AFF2: variants seen among roughly 807,000 people sequenced by gnomAD.
AFF2 encodes the protein ALF transcription elongation factor 2.
Under a neutral mutation model 76.9 loss-of-function variants are expected in AFF2, and 14 were observed. The ratio of observed to expected loss-of-function variants is 0.18; its 90% CI spans 0.12 to 0.28. The LOEUF is 0.28. Among genes scored for constraint, AFF2 ranks in the 10% least tolerant of loss-of-function variants. The pLI is 1.00. For missense variants in AFF2, 868 were observed against 1,001.1 expected (o/e 0.87, Z 1.79); for synonymous variants, 398 against 366.7 (o/e 1.09, Z -0.98).
chrX:148,701,122 G>A (rs1354359298), intron 3 of AFF2, among the ~76,000 whole-genome samples: 3 of 109,556 alleles, frequency 2.7e-5, no homozygotes, highest in African/African-American at 1.0e-4. Context: ...ACTCAGCTGT[G>A]TAAAAATCTG....
At chrX:148,588,233 G>C (rs2053487858) in intron 1 of AFF2, among the ~76,000 whole-genome samples, 1 of 112,981 alleles carries the variant, frequency 8.9e-6, no homozygotes, top group East Asian at 2.8e-4. Context: ...GTAAAATGTA[G>C]ACATTTCTAA....
At chrX:148,931,707 G>T in intron 9 of AFF2, among the ~76,000 whole-genome samples, 1 of 111,748 alleles carries the variant, frequency 8.9e-6, no homozygotes, top group Non-Finnish European at 1.9e-5. Flanking sequence ...TTGGGAAGGA[G>T]TGGGGTTCTC....
At chrX:148,933,612 A>C (rs2071739255) in intron 9 of AFF2, among the ~76,000 whole-genome samples, 1 of 110,933 alleles carries the variant, frequency 9.0e-6, no homozygotes, top group Non-Finnish European at 1.9e-5. Context: ...AACAGATAAG[A>C]TTTGCTAATG....
At chrX:148,909,756 A>G (rs1557281809) in intron 9 of AFF2, among the ~76,000 whole-genome samples, 1 of 112,012 alleles carries the variant, frequency 8.9e-6, no homozygotes, top group African/African-American at 3.3e-5. Context: ...TACTGTTATC[A>G]GAGCTTGATT....
intron 3 of AFF2, among the ~76,000 whole-genome samples, chrX:148,771,778 A>T (rs1216897834): frequency 8.9e-6 from 1 of 112,196 alleles, no homozygotes; most frequent in Non-Finnish European, 1.9e-5. Flanking sequence ...GTGAACCTAA[A>T]TGATTCTTTG....
At chrX:148,749,975 ATTT>A (rs1910517391) in intron 3 of AFF2, among the ~76,000 whole-genome samples, 3 of 106,975 alleles carry the variant, frequency 2.8e-5, no homozygotes, top group African/African-American at 1.0e-4. Flanking sequence ...TTATTTATTT[ATTT>A]ATTTTTAAGA....
chrX:148,681,141 C>T (rs782267775), intron 3 of AFF2, among the ~76,000 whole-genome samples: 1 of 111,396 alleles, frequency 9.0e-6, no homozygotes, highest in Non-Finnish European at 1.9e-5. Context: ...GTTTCTCAAG[C>T]CTTCAGAGTC....
intron 3 of AFF2, among the ~76,000 whole-genome samples, chrX:148,766,053 C>T (rs1453940480): frequency 8.2e-5 from 9 of 110,169 alleles, no homozygotes; most frequent in East Asian, 5.7e-4. Context: ...TTTATGGCTG[C>T]GTAGTATTCC....
chrX:148,899,740 G>C (rs2071334267), intron 8 of AFF2, among the ~76,000 whole-genome samples: 1 of 111,186 alleles, frequency 9.0e-6, no homozygotes, highest in African/African-American at 3.3e-5. Context: ...TTGACTGACA[G>C]TATTATTATT....
At chrX:148,539,729 T>C (rs2052831340) in intron 1 of AFF2, among the ~76,000 whole-genome samples, 1 of 111,090 alleles carries the variant, frequency 9.0e-6, no homozygotes, top group Non-Finnish European at 1.9e-5. Context: ...AGTGTTAACA[T>C]TCTTTAATGG....
chrX:148,748,226 A>G (rs1298709826), intron 3 of AFF2, among the ~76,000 whole-genome samples: 1 of 112,279 alleles, frequency 8.9e-6, no homozygotes, highest in Non-Finnish European at 1.9e-5. Flanking sequence ...CTCACTTTAC[A>G]CTGAGAGGGT....
intron 9 of AFF2, among the ~76,000 whole-genome samples, chrX:148,913,114 G>T (rs1258893621): frequency 8.9e-6 from 1 of 112,512 alleles, no homozygotes; most frequent in Admixed American, 9.4e-5. Flanking sequence ...AATGAAATTT[G>T]CACAAATGTC....
intron 1 of AFF2, among the ~76,000 whole-genome samples, chrX:148,599,855 A>C (rs890869811): frequency 8.9e-6 from 1 of 111,975 alleles, no homozygotes; most frequent in Non-Finnish European, 1.9e-5. Flanking sequence ...TGAACAATTC[A>C]TGCAAAAATA....
At chrX:148,991,183 C>T in intron 20 of AFF2, 28 bp from the exon 21 acceptor site, 3 of 1,174,757 alleles carry the variant, frequency 2.6e-6, no homozygotes, top group Non-Finnish European at 3.4e-6. Context: ...CATATAAAGG[C>T]CTAACTGAGA....
intron 1 of AFF2, among the ~76,000 whole-genome samples, chrX:148,602,309 C>A (rs1284776759): frequency 5.4e-5 from 6 of 111,496 alleles, no homozygotes. Flanking sequence ...TACAGCCTGG[C>A]AGGCCATGGG....
chrX:148,750,906 C>T (rs2055490723), intron 3 of AFF2, among the ~76,000 whole-genome samples: 1 of 111,431 alleles, frequency 9.0e-6, no homozygotes, highest in Non-Finnish European at 1.9e-5. Flanking sequence ...TCTTAATGAC[C>T]ATATCTTGTC....
chrX:148,929,359 A>G (rs781843425), intron 9 of AFF2, among the ~76,000 whole-genome samples: 4 of 112,282 alleles, frequency 3.6e-5, no homozygotes, highest in South Asian at 3.7e-4. Flanking sequence ...ATGAAATGAA[A>G]TTTTGTTGCT....
chrX:148,519,207 T>C (rs930074133), intron 1 of AFF2, among the ~76,000 whole-genome samples: 1 of 111,553 alleles, frequency 9.0e-6, no homozygotes, highest in Non-Finnish European at 1.9e-5. Flanking sequence ...CCTTCTCCAT[T>C]TGGTTATTGG....
At chrX:148,576,493 C>T (rs2053288799) in intron 1 of AFF2, among the ~76,000 whole-genome samples, 1 of 111,584 alleles carries the variant, frequency 9.0e-6, no homozygotes, top group Admixed American at 9.6e-5. Context: ...AAATAACTTT[C>T]CTATTTAGAC....
Sources: gnomAD v4.1 joint callset for allele counts (sites outside exome capture counted in the v4.1 genomes callset) on GRCh38, gnomAD v4.1.1 for gene constraint, MANE v1.5 for transcripts, NCBI Gene and HGNC (gene_info 2026-07-23, HGNC 2026-07-21) for gene names.